The following DCTN3 variants were observed in gnomAD, a reference collection of about 807,000 sequenced individuals.
DCTN3 encodes the protein dynactin subunit 3.
Under a neutral mutation model 28.4 loss-of-function variants are expected in DCTN3, and 25 were observed. That is an observed-to-expected ratio of 0.88 (90% CI 0.64 to 1.23). The LOEUF (loss-of-function observed/expected upper bound fraction) is 1.23, where lower values mean the gene tolerates loss of function less well. DCTN3 is among the 50% of genes most tolerant of loss of function. The probability of loss-of-function intolerance (pLI) is 0.00; values close to 1 mark genes in which losing one functional copy is unlikely to be tolerated. For missense variants in DCTN3, 229 were observed against 232.0 expected, an observed-to-expected ratio of 0.99 and a Z score of 0.08; for synonymous variants, 81 against 91.4, an observed-to-expected ratio of 0.89 and a Z score of 0.65.
intron 2 of DCTN3, 115 bp downstream of exon 2, chr9:34,618,561 T>A: frequency 1.3e-6 from 1 of 792,842 alleles, no homozygotes; most frequent in Non-Finnish European, 2.2e-6. Context: ...CCTCATAATC[T>A]TTCTATCCCC....
rs774799784 is a variant in DCTN3 at position 34,617,878 on chromosome 9, G to A, written c.268+7C>T. 12 of 1,613,546 alleles carry A rather than the reference G, an allele frequency of 7.4e-6. 1 individual carries two copies. In the South Asian group the frequency reaches 1.3e-4, roughly 18 times the overall value. ...CAGATGCATGTACACATGTAGTCCA[G>A]CATTACCTGCTAGGATGAATTGCAG... On this transcript the variant is annotated splice_region_variant and intron_variant, in intron 3 of 6. Transcript: ENST00000259632.
At position 34,620,123 on chromosome 9, in the gene DCTN3, G is replaced by A. The variant is rs567769871; in HGVS notation, c.96+246C>T. ...TCAGGTCTCCCCAACTATAGCTCGC[G>A]AGGGCAAGGGCGGAGTCTCAGCTAC... On this transcript the variant is annotated intron_variant, in intron 1 of 6. Transcript: ENST00000259632. 1.6e-3 allele frequency among the ~76,000 whole-genome samples: 245 copies of A among 152,268 alleles called. 1 individual carries two copies. The highest frequency in any genetic ancestry group is 5.4e-3 in the African/African-American group (226 of 41,542).
At chr9:34,614,227 C>G (rs774731149) in intron 5 of DCTN3, 126 bp from the exon 6 acceptor site, 2 of 1,582,764 alleles carry the variant, frequency 1.3e-6, no homozygotes, top group South Asian at 1.1e-5. Context: ...AACCCCAAAG[C>G]CAAAGGAGCA....
intron 4 of DCTN3, 114 bp downstream of exon 4, chr9:34,615,914 AAG>A: frequency 1.3e-6 from 1 of 751,846 alleles, no homozygotes; most frequent in Non-Finnish European, 2.1e-6. Flanking sequence ...AAAAAAAAAA[AAG>A]ATAAGGAACA....
intron 5 of DCTN3, 113 bp from the exon 6 acceptor site, chr9:34,614,214 C>T: frequency 1.9e-6 from 3 of 1,595,130 alleles, no homozygotes; most frequent in South Asian, 1.1e-5. Context: ...AAAGATGACG[C>T]TTAACCCCAA....
chr9:34,618,426 C>G (rs911798704), intron 2 of DCTN3, among the ~76,000 whole-genome samples: 2 of 152,228 alleles, frequency 1.3e-5, no homozygotes, highest in African/African-American at 4.8e-5. Context: ...CCCTCCTTCA[C>G]CAAGAGAAGC....
chr9:34,619,757 C>T (rs912704677), intron 1 of DCTN3, among the ~76,000 whole-genome samples: 2 of 152,182 alleles, frequency 1.3e-5, no homozygotes, highest in African/African-American at 4.8e-5. Flanking sequence ...CCTGACACGC[C>T]ATCAGAAGTT....
chr9:34,614,016 G>T, intron 6 of DCTN3, 26 bp downstream of exon 6: 1 of 1,604,794 alleles, frequency 6.2e-7, no homozygotes, highest in Non-Finnish European at 8.5e-7. Context: ...GCACCCATTA[G>T]GGTCCTAGTT....
rs1820365114 is a variant in DCTN3, at chr9:34,614,068, C to T, written c.445G>A (p.Ala149Thr). The T allele has an allele frequency of 1.2e-6, 2 of 1,613,456 alleles. No individual in the cohort carries two copies. Among genetic ancestry groups the T allele is most frequent in the Non-Finnish European group, 8.5e-7 (1 of 1,179,508 alleles). Residue 149 changes from alanine to threonine, a missense_variant, in exon 6 of 7, where the codon GCT (alanine) becomes ACT (threonine). Coordinates refer to ENST00000259632, the MANE Select transcript of DCTN3 (RefSeq NM_007234.5). ...GTCTTGTTGTATTCCTCCAGGAGAG[C>T]CTTGGACTCCTCAGTGATTTCCACA... Reference protein sequence around the residue: ...QCVEITEESKALLEEYNKTTM... With the variant: ...QCVEITEESKTLLEEYNKTTM...
intron 4 of DCTN3, 134 bp from the exon 5 acceptor site, chr9:34,614,902 T>C (rs923149319): frequency 4.6e-5 from 50 of 1,090,130 alleles, no homozygotes; most frequent in Non-Finnish European, 6.1e-5. Flanking sequence ...CATCGACTGC[T>C]GCAGCTGGAG....
rs755946611 is a variant in DCTN3, at chr9:34,613,855, T to G, written c.488A>C (p.Lys163Thr). The G allele has an allele frequency of 6.2e-7, 1 of 1,613,988 alleles. No individual in the cohort carries two copies. The highest frequency in any genetic ancestry group is 1.3e-5 in the African/African-American group (1 of 74,902). ...EYNKTTMLLS[K>T]QFVQWDELLC... ...TAGCTCATCCCACTGCACGAATTGC[T>G]TGGAGAGAAGCATTGTCTGGTTGTA... Residue 163 changes from lysine to threonine, a missense_variant, in exon 7 of 7, where the codon AAG (lysine) becomes ACG (threonine). By Grantham distance (78) the Lys-to-Thr change is moderately conservative. Coordinates refer to ENST00000259632, the MANE Select transcript of DCTN3 (RefSeq NM_007234.5).
intron 5 of DCTN3, chr9:34,614,462 C>A (rs1192127027): frequency 8.1e-6 from 5 of 616,794 alleles, no homozygotes; most frequent in African/African-American, 1.8e-5. Context: ...CCCAGGAATT[C>A]TTGGGTACCT....
Position 34,614,350 on chromosome 9 carries a change from CTCT to C in DCTN3, c.412-252_412-250del. Reference sequence around the variant, plus strand: ...AGTAAACATTCCCCCTAGTGTATGTCTCTTCTTCTGTCCTTATTTCTGAACTCT... The same window carrying C: ...AGTAAACATTCCCCCTAGTGTATGTCTCTTCTGTCCTTATTTCTGAACTCT... On this transcript the variant is annotated intron_variant, in intron 5 of 6. Coordinates refer to ENST00000259632, the MANE Select transcript of DCTN3 (RefSeq NM_007234.5). 7 of 762,154 alleles carry C rather than the reference CTCT, an allele frequency of 9.2e-6. 1 individual carries two copies. In the Middle Eastern group the frequency reaches 1.2e-3, roughly 126 times the overall value. 47.2% of individuals were successfully genotyped at this position (762,154 alleles called of 1,614,324 possible).
Position 34,620,467 on chromosome 9 carries a change from C to A in DCTN3, c.-3G>T, listed in dbSNP as rs1436868911. On this transcript the variant is annotated 5_prime_UTR_variant, in exon 1 of 7. Transcript: ENST00000259632. ...TGCAAGTCAGTCAGACCCGCCATCG[C>A]TACTACCGACCCACCTCGGCCAGGA... 5 of 1,549,684 alleles carry A rather than the reference C, an allele frequency of 3.2e-6. No homozygotes were observed. Among genetic ancestry groups the A allele is most frequent in the Non-Finnish European group, 4.4e-6 (5 of 1,147,388 alleles).
At chr9:34,618,549 G>A in intron 2 of DCTN3, 127 bp downstream of exon 2, 2 of 734,378 alleles carry the variant, frequency 2.7e-6, no homozygotes, top group South Asian at 1.5e-5. Context: ...GTAGGTAAAT[G>A]TCCTCATAAT....
intron 4 of DCTN3, 152 bp downstream of exon 4, chr9:34,615,878 G>A (rs1820413963): frequency 1.8e-6 from 1 of 541,910 alleles, no homozygotes; most frequent in Admixed American, 3.6e-5. Flanking sequence ...TCCAGCCTGG[G>A]TGACAGAGTA....
At chr9:34,617,734 G>A in intron 3 of DCTN3, 151 bp downstream of exon 3, 8 of 1,520,854 alleles carry the variant, frequency 5.3e-6, no homozygotes, top group Non-Finnish European at 7.1e-6. Flanking sequence ...AGGATCCATA[G>A]GATCCTCAAC....
At chr9:34,619,192 G>A (rs1192545171) in intron 1 of DCTN3, among the ~76,000 whole-genome samples, 1 of 152,202 alleles carries the variant, frequency 6.6e-6, no homozygotes, top group East Asian at 1.9e-4. Flanking sequence ...GGATCCCAAT[G>A]ATGGTGCAAT....
At position 34,617,977 on chromosome 9, in the gene DCTN3, A is replaced by G; in HGVS notation, c.182-6T>C. 6.2e-7 allele frequency: 1 copy of G among 1,612,124 alleles called. No homozygotes were observed. Among genetic ancestry groups the G allele is most frequent in the South Asian group, 1.1e-5 (1 of 91,024 alleles). ...GTACTTGATCAGATCTTCAACTAGA[A>G]AAGTAGCAAGATGGAAAATGGAATA... On this transcript the variant is annotated splice_polypyrimidine_tract_variant and splice_region_variant and intron_variant, in intron 2 of 6. Coordinates refer to ENST00000259632, the MANE Select transcript of DCTN3 (RefSeq NM_007234.5).
Sources: gnomAD v4.1 joint callset for allele counts (sites outside exome capture counted in the v4.1 genomes callset) on GRCh38, gnomAD v4.1.1 for gene constraint, MANE v1.5 for transcripts, NCBI Gene and HGNC (gene_info 2026-07-23, HGNC 2026-07-21) for gene names.